Variants in BLTP3A observed in about 807,000 individuals in gnomAD.
The protein encoded by BLTP3A is bridge-like lipid transfer protein family member 3A.
the BLTP3A span, among the ~76,000 whole-genome samples, chr6:34,807,965 G>A: frequency 6.6e-6 from 1 of 152,052 alleles, no homozygotes; most frequent in South Asian, 2.1e-4. Flanking sequence ...CGCTTGAACC[G>A]GGAGGCAGTG....
the BLTP3A span, chr6:34,835,272 A>G: frequency 6.2e-7 from 1 of 1,612,020 alleles, no homozygotes; most frequent in Non-Finnish European, 8.5e-7. Flanking sequence ...GATAAACCCC[A>G]TGTTGTCTGT....
At chr6:34,846,150 T>C in the BLTP3A span, among the ~76,000 whole-genome samples, 1 of 127,006 alleles carries the variant, frequency 7.9e-6, no homozygotes, top group East Asian at 2.9e-4. Flanking sequence ...CTTTCCTTGC[T>C]TCCATTTTTT....
At chr6:34,812,477 GTTTTCT>G in the BLTP3A span, among the ~76,000 whole-genome samples, 1 of 152,122 alleles carries the variant, frequency 6.6e-6, no homozygotes, top group Non-Finnish European at 1.5e-5. Context: ...TTGTCATGCA[GTTTTCT>G]TTTTAGAGAT....
chr6:34,803,767 TGAAAGTTGA>T, the BLTP3A span, among the ~76,000 whole-genome samples: 238 of 152,206 alleles, frequency 1.6e-3, 1 homozygote, highest in African/African-American at 5.4e-3. Flanking sequence ...ATCAGTCATT[TGAAAGTTGA>T]AGAGTTCTAA....
the BLTP3A span, among the ~76,000 whole-genome samples, chr6:34,844,161 T>G: frequency 4.3e-4 from 65 of 152,162 alleles, no homozygotes; most frequent in African/African-American, 1.4e-3. Context: ...TTTTTGTATT[T>G]TTAGTAGAGA....
At chr6:34,824,137 C>CA in the BLTP3A span, among the ~76,000 whole-genome samples, 1 of 151,990 alleles carries the variant, frequency 6.6e-6, no homozygotes, top group Admixed American at 6.6e-5. Flanking sequence ...GAGACTGTTT[C>CA]ACCATGTTGC....
At chr6:34,824,891 G>A in the BLTP3A span, among the ~76,000 whole-genome samples, 16 of 151,912 alleles carry the variant, frequency 1.1e-4, no homozygotes, top group Admixed American at 9.2e-4. Context: ...GGCTGGTCTC[G>A]AACTCCTGGC....
chr6:34,802,177 A>G, the BLTP3A span, among the ~76,000 whole-genome samples: 2 of 152,070 alleles, frequency 1.3e-5, no homozygotes, highest in African/African-American at 4.8e-5. Context: ...AAAGTTGTAT[A>G]TGCCTGCATT....
chr6:34,844,457 TA>T, the BLTP3A span, among the ~76,000 whole-genome samples: 1 of 152,122 alleles, frequency 6.6e-6, no homozygotes, highest in East Asian at 1.9e-4. Context: ...GTATTTTTAG[TA>T]AAGACAGGAT....
the BLTP3A span, among the ~76,000 whole-genome samples, chr6:34,840,284 G>C: frequency 2.6e-5 from 4 of 152,010 alleles, no homozygotes; most frequent in Non-Finnish European, 5.9e-5. Context: ...AGGCTTGGTG[G>C]CTCACGCGTG....
the BLTP3A span, among the ~76,000 whole-genome samples, chr6:34,807,870 T>A: frequency 6.6e-6 from 1 of 151,820 alleles, no homozygotes; most frequent in Non-Finnish European, 1.5e-5. Flanking sequence ...TGAAACCCCA[T>A]CTCTACTAAA....
chr6:34,862,763 G>A, the BLTP3A span, among the ~76,000 whole-genome samples: 1 of 151,596 alleles, frequency 6.6e-6, no homozygotes, highest in Non-Finnish European at 1.5e-5. Context: ...GAACCCAGGA[G>A]GTGGAGGTTG....
chr6:34,867,400 C>T, the BLTP3A span: 2 of 1,613,578 alleles, frequency 1.2e-6, no homozygotes, highest in Admixed American at 3.3e-5. Flanking sequence ...CTACTTTCTT[C>T]TCTGCAGAGG....
chr6:34,869,785 A>G, the BLTP3A span, among the ~76,000 whole-genome samples: 1 of 150,896 alleles, frequency 6.6e-6, no homozygotes, highest in East Asian at 2.0e-4. Context: ...CTCAGTAGCC[A>G]GGACTACAGG....
chr6:34,851,074 C>A, the BLTP3A span, among the ~76,000 whole-genome samples: 1 of 151,970 alleles, frequency 6.6e-6, no homozygotes, highest in African/African-American at 2.4e-5. Flanking sequence ...TCTGTGTTAT[C>A]TTGAATTTCA....
chr6:34,806,673 C>T, the BLTP3A span, among the ~76,000 whole-genome samples: 2 of 152,062 alleles, frequency 1.3e-5, no homozygotes, highest in Non-Finnish European at 2.9e-5. Context: ...ATTCTCCCCC[C>T]CTCCCCAAGA....
the BLTP3A span, among the ~76,000 whole-genome samples, chr6:34,803,022 A>G: frequency 2.0e-5 from 3 of 151,872 alleles, no homozygotes; most frequent in Non-Finnish European, 2.9e-5. Context: ...AAAAAATACA[A>G]AAATTAGCTG....
the BLTP3A span, among the ~76,000 whole-genome samples, chr6:34,817,865 TTTTGG>T: frequency 1.4e-5 from 2 of 144,750 alleles, no homozygotes; most frequent in Admixed American, 6.9e-5. Context: ...TTTTTTTTTT[TTTTGG>T]GGGGGTGGAG....
the BLTP3A span, among the ~76,000 whole-genome samples, chr6:34,862,797 G>A: frequency 3.4e-5 from 5 of 148,824 alleles, no homozygotes; most frequent in African/African-American, 1.2e-4. Context: ...TCATGCCACT[G>A]CACTCCAGCC....
Sources: allele counts gnomAD v4.1 joint callset (sites outside exome capture counted in the v4.1 genomes callset), GRCh38; gene constraint gnomAD v4.1.1; transcripts MANE v1.5; gene names NCBI Gene and HGNC (gene_info 2026-07-23, HGNC 2026-07-21).